The following NTAQ1 variants were observed in gnomAD, a reference collection of about 807,000 sequenced individuals.
NTAQ1 encodes the protein N-terminal glutamine amidase 1.
In NTAQ1, 21 loss-of-function variants were observed where a neutral mutation model predicts 28.2. That is an observed-to-expected ratio of 0.74 (90% CI 0.53 to 1.07). NTAQ1 has a LOEUF of 1.07. Ranked by LOEUF, NTAQ1 falls within the 50% of genes least tolerant of loss-of-function variation. The pLI is 0.00. For synonymous variants in NTAQ1, 105 were observed against 90.0 expected (o/e 1.17, Z -0.94); for missense variants, 264 against 256.6 (o/e 1.03, Z -0.20).
intron 1 of NTAQ1, among the ~76,000 whole-genome samples, chr8:123,426,295 G>A (rs1249577510): frequency 1.3e-5 from 2 of 152,164 alleles, no homozygotes; most frequent in African/African-American, 2.4e-5. Context: ...GACCTGTCAC[G>A]TAGAAGAGAG....
At chr8:123,446,372 T>C (rs948836542), downstream of NTAQ1, among the ~76,000 whole-genome samples, 1 of 152,214 alleles carries the variant, frequency 6.6e-6, no homozygotes, top group African/African-American at 2.4e-5. Context: ...CAGTAAATGT[T>C]AGACTTTGCA....
At chr8:123,460,170 C>T (rs1173857669) in intron 6 of NTAQ1, among the ~76,000 whole-genome samples, 1 of 152,064 alleles carries the variant, frequency 6.6e-6, no homozygotes, top group African/African-American at 2.4e-5. Context: ...TAAATAGTAC[C>T]TTGAGAGAAC....
At chr8:123,421,466 G>A (rs1167671129) in intron 1 of NTAQ1, among the ~76,000 whole-genome samples, 1 of 151,010 alleles carries the variant, frequency 6.6e-6, no homozygotes, top group Non-Finnish European at 1.5e-5. Flanking sequence ...TAGTGTTGTT[G>A]AGCATTTCTT....
intron 5 of NTAQ1, among the ~76,000 whole-genome samples, chr8:123,440,146 C>CT (rs577877415): frequency 0.012 from 671 of 56,574 alleles, 127 homozygotes; most frequent in African/African-American, 0.046. Flanking sequence ...GGATTAACTC[C>CT]TTTTTTTTTT....
intron 5 of NTAQ1, among the ~76,000 whole-genome samples, chr8:123,439,188 C>A (rs1401186778): frequency 6.6e-6 from 1 of 151,936 alleles, no homozygotes; most frequent in Non-Finnish European, 1.5e-5. Flanking sequence ...AATTTTCTTT[C>A]TTTCTTTTTT....
downstream of NTAQ1, chr8:123,442,274 A>G (rs1365680407): frequency 6.7e-6 from 1 of 150,118 alleles, no homozygotes; most frequent in Non-Finnish European, 1.5e-5. Flanking sequence ...AGGATGTCTG[A>G]CCTTTTGTTC....
chr8:123,462,415 C>T (rs1815848711), intron 6 of NTAQ1, among the ~76,000 whole-genome samples: 1 of 152,106 alleles, frequency 6.6e-6, no homozygotes, highest in Non-Finnish European at 1.5e-5. Flanking sequence ...TGGATTTTCT[C>T]AGCAGAGTTA....
Position 123,436,615 on chromosome 8 carries a change from A to T in NTAQ1, c.383+14A>T. 1.2e-6 allele frequency: 2 copies of T among 1,605,082 alleles called. No homozygotes were observed. The highest frequency in any genetic ancestry group is 1.7e-6 in the Non-Finnish European group (2 of 1,176,984). On this transcript the variant is annotated intron_variant, in intron 4 of 5. Transcript: ENST00000287387. ...ACAGTTTAGGAGGTGAGGACATTCA[A>T]GATGGATTTACTTATTTTCTGAAGT...
At chr8:123,453,812 T>G (rs1016241223) in intron 6 of NTAQ1, among the ~76,000 whole-genome samples, 14 of 152,174 alleles carry the variant, frequency 9.2e-5, no homozygotes, top group African/African-American at 3.4e-4. Context: ...CTCCTCATGT[T>G]ACAAATTAGG....
At chr8:123,429,959 T>A (rs373015447) in intron 2 of NTAQ1, 24 bp from the exon 3 acceptor site, 1 of 1,579,028 alleles carries the variant, frequency 6.3e-7, no homozygotes, top group South Asian at 1.2e-5. Flanking sequence ...AGGTATGGCT[T>A]ACGAAATGTA....
intron 6 of NTAQ1, among the ~76,000 whole-genome samples, chr8:123,456,416 T>G (rs1202181037): frequency 6.6e-6 from 1 of 152,188 alleles, no homozygotes; most frequent in East Asian, 1.9e-4. Context: ...ATGCACATCT[T>G]AAATATCTAA....
intron 1 of NTAQ1, among the ~76,000 whole-genome samples, chr8:123,424,268 A>G (rs892892188): frequency 6.7e-6 from 1 of 149,822 alleles, no homozygotes; most frequent in Non-Finnish European, 1.5e-5. Flanking sequence ...TTTAAGACGA[A>G]GTCTTGCACT....
In NTAQ1 at chr8:123,424,071, C is replaced by CTTT. The variant is rs1481566301; in HGVS notation, c.84-3853_84-3852insTTT. On this transcript the variant is annotated intron_variant, in intron 1 of 5. Coordinates refer to ENST00000287387, the MANE Select transcript of NTAQ1 (RefSeq NM_018024.3). ...CTGATTTTGTGTTTTTATTTTTATGCGTTTTTTTTTTTTTTTTTTGAGATG... is the reference window on the plus strand; with the variant it reads ...CTGATTTTGTGTTTTTATTTTTATGCTTTGTTTTTTTTTTTTTTTTTTGAGATG... 6.7e-3 allele frequency among the ~76,000 whole-genome samples: 307 copies of CTTT among 45,958 alleles called. 4 individuals carry two copies. Among genetic ancestry groups the CTTT allele is most frequent in the African/African-American group, 0.021 (293 of 13,918 alleles). 30.2% of individuals were successfully genotyped at this position (45,958 alleles called of 152,430 possible).
chr8:123,467,750 T>G (rs992876506), exon 7 of NTAQ1, among the ~76,000 whole-genome samples: 1 of 152,148 alleles, frequency 6.6e-6, no homozygotes, highest in African/African-American at 2.4e-5. Flanking sequence ...TCTATTTTTA[T>G]TTTATTTGTT....
intron 1 of NTAQ1, among the ~76,000 whole-genome samples, chr8:123,421,694 CT>C (rs71310678): frequency 4.1e-4 from 55 of 135,786 alleles, no homozygotes; most frequent in Non-Finnish European, 4.2e-4. Flanking sequence ...TTTTTCTTTT[CT>C]TTTTTTTTTT....
intron 5 of NTAQ1, among the ~76,000 whole-genome samples, chr8:123,439,851 G>A (rs1393889040): frequency 2.6e-5 from 4 of 151,792 alleles, no homozygotes; most frequent in African/African-American, 9.7e-5. Context: ...CTACTCAGGA[G>A]GCTGAGGCAG....
At chr8:123,459,090 A>C (rs1815741949) in intron 6 of NTAQ1, among the ~76,000 whole-genome samples, 1 of 152,022 alleles carries the variant, frequency 6.6e-6, no homozygotes, top group African/African-American at 2.4e-5. Flanking sequence ...TAAATAAAAT[A>C]AAATGAAAAA....
At chr8:123,472,314 C>A (rs1324650071), downstream of NTAQ1, among the ~76,000 whole-genome samples, 1 of 152,196 alleles carries the variant, frequency 6.6e-6, no homozygotes, top group Non-Finnish European at 1.5e-5. Flanking sequence ...GGTCACTTTA[C>A]AGGCATGGCT....
chr8:123,426,534 T>C (rs1251136095), intron 1 of NTAQ1, among the ~76,000 whole-genome samples: 1 of 151,884 alleles, frequency 6.6e-6, no homozygotes, highest in Non-Finnish European at 1.5e-5. Context: ...TTAAAATTAG[T>C]TGGGTGTGGT....
Sources: allele counts gnomAD v4.1 joint callset (sites outside exome capture counted in the v4.1 genomes callset), GRCh38; gene constraint gnomAD v4.1.1; transcripts MANE v1.5; gene names NCBI Gene and HGNC (gene_info 2026-07-23, HGNC 2026-07-21).